The following EML4 variants were observed in gnomAD, a reference collection of about 807,000 sequenced individuals.
The protein encoded by EML4 is echinoderm microtubule-associated protein-like 4.
In EML4, 72 loss-of-function variants were observed where a neutral mutation model predicts 129.0. The ratio of observed to expected loss-of-function variants is 0.56; its 90% CI spans 0.46 to 0.68. EML4 has a LOEUF of 0.68. Among genes scored for constraint, EML4 ranks in the 30% least tolerant of loss-of-function variants. The probability of loss-of-function intolerance (pLI) is 0.00; values close to 1 mark genes in which losing one functional copy is unlikely to be tolerated. For missense variants in EML4, 1,363 were observed against 1,190.6 expected (o/e 1.14, Z -2.13); for synonymous variants, 532 against 405.0 (o/e 1.31, Z -3.77).
intron 11 of EML4, among the ~76,000 whole-genome samples, chr2:42,290,685 T>C (rs1667588004): frequency 6.6e-6 from 1 of 152,140 alleles, no homozygotes; most frequent in African/African-American, 2.4e-5. Flanking sequence ...TGAGCTGAGA[T>C]TGTGCCACTG....
At chr2:42,221,601 T>G (rs115681782) in intron 1 of EML4, among the ~76,000 whole-genome samples, 123 of 151,510 alleles carry the variant, frequency 8.1e-4, no homozygotes, top group African/African-American at 2.5e-3. Flanking sequence ...TTTTGGGTTT[T>G]GTTTTGTTTT....
At chr2:42,182,891 G>A (rs927328727) in intron 1 of EML4, among the ~76,000 whole-genome samples, 1 of 152,088 alleles carries the variant, frequency 6.6e-6, no homozygotes, top group Non-Finnish European at 1.5e-5. Context: ...TTTTCTTTGT[G>A]TGTACATATC....
At position 42,261,219 on chromosome 2, in the gene EML4, C is replaced by T. The variant is rs763563612; in HGVS notation, c.437C>T (p.Ser146Phe). 54 of 1,613,886 alleles carry T rather than the reference C, an allele frequency of 3.3e-5. No individual in the cohort carries two copies. Among genetic ancestry groups the T allele is most frequent in the Non-Finnish European group, 4.5e-5 (53 of 1,179,962 alleles). Residue 146 changes from serine (S) to phenylalanine (F), a missense_variant, in exon 4 of 23, where the codon TCT becomes TTT. Coordinates refer to ENST00000318522, the MANE Select transcript of EML4 (RefSeq NM_019063.5). The stretch of plus-strand genomic sequence containing the variant: ...AGTCCACAAATTCGAGCATCACCTT[C>T]TCCCCAGCCCTCTTCACAACCTCTC... ...DQSPQIRASP[S>F]PQPSSQPLQI...
intron 1 of EML4, among the ~76,000 whole-genome samples, chr2:42,183,638 CT>C (rs909812196): frequency 1.3e-5 from 2 of 151,638 alleles, no homozygotes; most frequent in Non-Finnish European, 2.9e-5. Flanking sequence ...TTCTCAGTTC[CT>C]TTTTTTTAAA....
intron 1 of EML4, among the ~76,000 whole-genome samples, chr2:42,183,824 TATCA>T (rs1671092075): frequency 6.6e-6 from 1 of 152,174 alleles, no homozygotes; most frequent in South Asian, 2.1e-4. Flanking sequence ...GGTCACTGTT[TATCA>T]ATCTGGATTC....
At chr2:42,249,475 C>T (rs924006441) in intron 2 of EML4, among the ~76,000 whole-genome samples, 3 of 152,088 alleles carry the variant, frequency 2.0e-5, no homozygotes, top group African/African-American at 7.2e-5. Flanking sequence ...GTTCAAAGGA[C>T]AAGTCAACTT....
At chr2:42,308,745 C>T (rs913832748) in intron 17 of EML4, among the ~76,000 whole-genome samples, 1 of 152,044 alleles carries the variant, frequency 6.6e-6, no homozygotes, top group Non-Finnish European at 1.5e-5. Flanking sequence ...CCCATGACCC[C>T]ACCCACCTCC....
chr2:42,261,302 C>G lies in EML4; in HGVS notation c.512+8C>G, dbSNP rs2104383322. On this transcript the variant is annotated splice_region_variant and intron_variant, in intron 4 of 22. Coordinates refer to ENST00000318522, the MANE Select transcript of EML4 (RefSeq NM_019063.5). ...TGCTACTCCCACCAAAAGGTTTTAACTGTCCCCAAGTACAGAGCTAGGGAA... is the reference window on the plus strand; with the variant it reads ...TGCTACTCCCACCAAAAGGTTTTAAGTGTCCCCAAGTACAGAGCTAGGGAA... The G allele has an allele frequency of 6.2e-7, 1 of 1,610,184 alleles. No homozygotes were observed. The highest frequency in any genetic ancestry group is 8.5e-7 in the Non-Finnish European group (1 of 1,178,012).
At chr2:42,176,426 T>A (rs572538817) in intron 1 of EML4, among the ~76,000 whole-genome samples, 2 of 152,226 alleles carry the variant, frequency 1.3e-5, no homozygotes, top group African/African-American at 4.8e-5. Flanking sequence ...ATTGCTTCAT[T>A]GCTTTAATGA....
chr2:42,251,142 C>A (rs1235926033), intron 2 of EML4, among the ~76,000 whole-genome samples: 1 of 152,182 alleles, frequency 6.6e-6, no homozygotes, highest in Admixed American at 6.5e-5. Context: ...TCTAACAGGC[C>A]ACAAAGGTAC....
chr2:42,180,037 G>T (rs1356676423), intron 1 of EML4, among the ~76,000 whole-genome samples: 1 of 152,202 alleles, frequency 6.6e-6, no homozygotes, highest in Non-Finnish European at 1.5e-5. Flanking sequence ...AAGCTATGTG[G>T]ATATTCTTGG....
At chr2:42,289,200 G>A (rs1221313273) in intron 11 of EML4, 1 of 152,190 alleles carries the variant, frequency 6.6e-6, no homozygotes, top group Non-Finnish European at 1.5e-5. Context: ...TTGACTTCCA[G>A]TTATTCAGAG....
chr2:42,329,029 T>G lies in EML4; in HGVS notation c.2472+13T>G. On this transcript the variant is annotated intron_variant, in intron 22 of 22. Coordinates refer to ENST00000318522, the MANE Select transcript of EML4 (RefSeq NM_019063.5). ...CTCCAAAGCAAAGGTAAACTCACTT[T>G]AATAGAAACTAATGTTATAAGGCCT... The G allele has an allele frequency of 6.2e-7, 1 of 1,606,768 alleles. No individual in the cohort carries two copies. The highest frequency in any genetic ancestry group is 8.5e-7 in the Non-Finnish European group (1 of 1,177,340).
chr2:42,324,860 C>A (rs367581112), intron 19 of EML4, among the ~76,000 whole-genome samples: 20 of 152,130 alleles, frequency 1.3e-4, no homozygotes, highest in African/African-American at 3.9e-4. Flanking sequence ...AGAAAAAGAT[C>A]GTTGTTTCCT....
chr2:42,247,804 C>T (rs1357572663), intron 2 of EML4, among the ~76,000 whole-genome samples: 1 of 151,836 alleles, frequency 6.6e-6, no homozygotes, highest in Non-Finnish European at 1.5e-5. Flanking sequence ...GGAGCTAGAT[C>T]TGTTAATGTA....
At chr2:42,244,080 TG>T (rs376488816) in intron 1 of EML4, among the ~76,000 whole-genome samples, 2 of 69,568 alleles carry the variant, frequency 2.9e-5, no homozygotes, top group Admixed American at 2.5e-4. Flanking sequence ...TTTTGTTTTT[TG>T]TTTTTTGTTT....
intron 1 of EML4, among the ~76,000 whole-genome samples, chr2:42,192,248 G>C (rs555131242): frequency 1.7e-4 from 26 of 149,212 alleles, no homozygotes; most frequent in Admixed American, 8.0e-4. Context: ...TTTTTTGGGG[G>C]GGGGAGGTGT....
Position 42,217,853 on chromosome 2 carries a change from TCTAAATA to T in EML4, c.26-27651_26-27645del, listed in dbSNP as rs545876233. On this transcript the variant is annotated intron_variant, in intron 1 of 22. Coordinates refer to ENST00000318522, the MANE Select transcript of EML4 (RefSeq NM_019063.5). Reference sequence around the variant, plus strand: ...CTCCTTTTAAATATGTAGATTTACTTCTAAATATGTAGAAGACATGGGGAATTTGATC... The same window carrying T: ...CTCCTTTTAAATATGTAGATTTACTTTGTAGAAGACATGGGGAATTTGATC... Among the ~76,000 whole-genome samples the T allele has an allele frequency of 7.2e-3, 1,090 of 152,326 alleles. 15 individuals are homozygous for T. Among genetic ancestry groups the T allele is most frequent in the African/African-American group, 0.025 (1,038 of 41,562 alleles).
chr2:42,179,602 G>C (rs1670809704), intron 1 of EML4, among the ~76,000 whole-genome samples: 1 of 152,096 alleles, frequency 6.6e-6, no homozygotes, highest in Admixed American at 6.6e-5. Flanking sequence ...ACATATATGG[G>C]GGTTTTTTGT....
Sources: allele counts gnomAD v4.1 joint callset (sites outside exome capture counted in the v4.1 genomes callset), GRCh38; gene constraint gnomAD v4.1.1; transcripts MANE v1.5; gene names NCBI Gene and HGNC (gene_info 2026-07-23, HGNC 2026-07-21).